RGSL1: variants seen among roughly 807,000 people sequenced by gnomAD.
RGSL1 encodes regulator of G protein signaling protein-like.
A neutral mutation model predicts 124.7 loss-of-function variants in RGSL1; 97 were observed. The observed-to-expected ratio is 0.78, with a 90% CI of 0.66 to 0.92. RGSL1 has a LOEUF of 0.92. RGSL1 is among the 40% of genes least tolerant of loss of function. The pLI is 0.00. For missense variants in RGSL1, 1,233 were observed against 1,288.4 expected (o/e 0.96, Z 0.66); for synonymous variants, 424 against 438.1 (o/e 0.97, Z 0.40).
rs886750482 is a variant in RGSL1 at position 182,532,938 on chromosome 1, C to T, written c.2494+147C>T. 1.3e-4 allele frequency: 105 copies of T among 816,700 alleles called. No individual in the cohort carries two copies. The Middle Eastern group carries it at 1.4e-3, about 11-fold the overall frequency. The allele number at this position is 816,700 out of a possible 1,614,324, so 50.6% of individuals were successfully genotyped here. On this transcript the variant is annotated intron_variant, in intron 14 of 21. Coordinates refer to ENST00000294854, the MANE Select transcript of RGSL1 (RefSeq NM_001137669.2). ...CCAGGTCCTGTGTGCAAAGCCAGGCCCAGGCCTTCCTAGAGAGGATGCAAG... is the reference window on the plus strand; with the variant it reads ...CCAGGTCCTGTGTGCAAAGCCAGGCTCAGGCCTTCCTAGAGAGGATGCAAG...
chr1:182,512,974 G>A (rs1156636129), intron 9 of RGSL1, among the ~76,000 whole-genome samples: 1 of 152,198 alleles, frequency 6.6e-6, no homozygotes, highest in Non-Finnish European at 1.5e-5. Flanking sequence ...CATGGAGCCT[G>A]GGGTTTGGGG....
chr1:182,520,097 T>A (rs758542220), intron 9 of RGSL1, among the ~76,000 whole-genome samples: 2 of 152,132 alleles, frequency 1.3e-5, no homozygotes, highest in Non-Finnish European at 2.9e-5. Flanking sequence ...TATGTGAACA[T>A]CATTGGTGAA....
At position 182,489,183 on chromosome 1, in the gene RGSL1, ATC is replaced by A. The variant is rs1454670031; in HGVS notation, c.1701_1702del (p.Pro568SerfsTer8). 2 of 1,551,742 alleles carry A rather than the reference ATC, an allele frequency of 1.3e-6. No individual in the cohort carries two copies. The highest frequency in any genetic ancestry group is 2.0e-5 in the Admixed American group (1 of 51,006). ...QGGSLQVELT[S>X]PVFLTDITKM... ...GAGGCTCTCTCCAGGTAGAGCTGACATCTCCAGTGTTTCTAACAGGTCAGAGC... is the reference window on the plus strand; with the variant it reads ...GAGGCTCTCTCCAGGTAGAGCTGACATCCAGTGTTTCTAACAGGTCAGAGC... On this transcript the variant is annotated frameshift_variant, in exon 8 of 22. Transcript: ENST00000294854. LOFTEE classifies it high-confidence loss of function.
intron 18 of RGSL1, among the ~76,000 whole-genome samples, chr1:182,551,804 T>G (rs968337764): frequency 2.0e-5 from 3 of 152,326 alleles, no homozygotes; most frequent in Non-Finnish European, 4.4e-5. Flanking sequence ...TAATAAACCA[T>G]ATATACAATG....
At chr1:182,477,047 T>A (rs1350147408) in intron 6 of RGSL1, among the ~76,000 whole-genome samples, 1 of 151,944 alleles carries the variant, frequency 6.6e-6, no homozygotes, top group East Asian at 1.9e-4. Flanking sequence ...AAATAGGAGG[T>A]CCCCAGCTTT....
chr1:182,465,285 T>C (rs1209503085), intron 4 of RGSL1, among the ~76,000 whole-genome samples: 2 of 151,840 alleles, frequency 1.3e-5, no homozygotes, highest in African/African-American at 4.8e-5. Flanking sequence ...TATGCAGCCA[T>C]AAAAAAGGAT....
Position 182,460,098 on chromosome 1 carries a change from A to G in RGSL1, c.266A>G (p.Gln89Arg). 2 of 1,551,546 alleles carry G rather than the reference A, an allele frequency of 1.3e-6. No homozygotes were observed. The highest frequency in any genetic ancestry group is 1.7e-6 in the Non-Finnish European group (2 of 1,146,928). Residue 89 changes from glutamine (Q) to arginine (R), a missense_variant, in exon 4 of 22, where the codon CAG becomes CGG. Coordinates refer to ENST00000294854, the MANE Select transcript of RGSL1 (RefSeq NM_001137669.2). ...TTGTGTTTCCATTACATTCTCTGTC[A>G]GGAGTTCATCAGTTTCATTAAGTCC... ...TNLCFHYILC[Q>R]EFISFIKSPE...
chr1:182,491,268 T>C (rs1295400234), intron 8 of RGSL1, among the ~76,000 whole-genome samples: 1 of 152,040 alleles, frequency 6.6e-6, no homozygotes, highest in Non-Finnish European at 1.5e-5. Context: ...CAGGCTGGAG[T>C]GCAGTGGCAC....
intron 9 of RGSL1, among the ~76,000 whole-genome samples, chr1:182,513,122 C>G (rs1041741425): frequency 1.3e-5 from 2 of 152,226 alleles, no homozygotes; most frequent in African/African-American, 4.8e-5. Flanking sequence ...GAACTGCCCT[C>G]GCCTACCCAG....
At chr1:182,552,910 T>C (rs575279142) in intron 18 of RGSL1, among the ~76,000 whole-genome samples, 1 of 152,254 alleles carries the variant, frequency 6.6e-6, no homozygotes, top group East Asian at 1.9e-4. Context: ...ACCTTTCCTT[T>C]TTTTCAAGAT....
chr1:182,518,771 GT>G (rs111983657), intron 9 of RGSL1, among the ~76,000 whole-genome samples: 2 of 151,740 alleles, frequency 1.3e-5, no homozygotes, highest in Admixed American at 1.3e-4. Context: ...TCTGCTCAGA[GT>G]TTTTTCACTT....
chr1:182,527,532 A>AATC (rs1237215260), intron 10 of RGSL1, 47 bp from the exon 11 acceptor site: 1 of 1,463,240 alleles, frequency 6.8e-7, no homozygotes, highest in East Asian at 2.5e-5. Context: ...CAGAATCCAG[A>AATC]ATCATCATTC....
At chr1:182,559,840 C>G (rs1332778387) in intron 21 of RGSL1, among the ~76,000 whole-genome samples, 4 of 152,190 alleles carry the variant, frequency 2.6e-5, no homozygotes, top group African/African-American at 7.2e-5. Context: ...TCCTCTTACT[C>G]TCTCCTCTTA....
At chr1:182,464,490 T>C (rs1042438417) in intron 4 of RGSL1, among the ~76,000 whole-genome samples, 1 of 151,868 alleles carries the variant, frequency 6.6e-6, no homozygotes, top group Non-Finnish European at 1.5e-5. Context: ...TTGGGAGGCC[T>C]TAGGGGGTGG....
chr1:182,521,558 A>G (rs1658340987), intron 9 of RGSL1, among the ~76,000 whole-genome samples: 2 of 152,236 alleles, frequency 1.3e-5, no homozygotes. Context: ...TTAAAAGAAG[A>G]AGTCAAGCAT....
At chr1:182,526,205 T>A (rs185550) in intron 10 of RGSL1, among the ~76,000 whole-genome samples, 131,563 of 152,198 alleles carry the variant, frequency 0.86, 57,187 homozygotes, top group Non-Finnish European at 0.89. Context: ...GAGGAAACAG[T>A]GAAAGAAGTA....
In RGSL1 at chr1:182,510,657, GGGGAGAGTGAGA is replaced by G. The variant is rs1162874709; in HGVS notation, c.1826-11339_1826-11328del. 2.8e-4 allele frequency among the ~76,000 whole-genome samples: 6 copies of G among 21,066 alleles called. 1 individual carries two copies. Among genetic ancestry groups the G allele is most frequent in the Non-Finnish European group, 5.6e-4 (5 of 8,912 alleles). The allele number at this position is 21,066 out of a possible 152,430, so 13.8% of individuals were successfully genotyped here. On this transcript the variant is annotated intron_variant, in intron 9 of 21. Transcript: ENST00000294854. ...CGGCTCCACATGAGAGGGAGACCGT[GGGGAGAGTGAGA>G]GGGAGAGGGAGAGGGAGAGGGAGAG...
chr1:182,553,488 GA>G lies in RGSL1; in HGVS notation c.3078del (p.Gly1027ValfsTer12). On this transcript the variant is annotated frameshift_variant, in exon 19 of 22. Coordinates refer to ENST00000294854, the MANE Select transcript of RGSL1 (RefSeq NM_001137669.2). LOFTEE classifies it high-confidence loss of function. ...DNAILRFTLL[R>X]GIEWLQPQRE... ...GCCATCTTAAGGTTCACCTTGCTCA[GA>G]GGTATTGAGTGGTTGCAGCCTCAAC... 6.4e-7 allele frequency: 1 copy of G among 1,552,042 alleles called. No homozygotes were observed. Among genetic ancestry groups the G allele is most frequent in the African/African-American group, 1.4e-5 (1 of 73,158 alleles).
At chr1:182,537,089 T>C (rs1180666665) in intron 14 of RGSL1, among the ~76,000 whole-genome samples, 3 of 152,212 alleles carry the variant, frequency 2.0e-5, no homozygotes, top group African/African-American at 7.2e-5. Context: ...ATCTCTCAGT[T>C]GATGGCTTGC....
Sources: gnomAD v4.1 joint callset for allele counts (sites outside exome capture counted in the v4.1 genomes callset) on GRCh38, gnomAD v4.1.1 for gene constraint, MANE v1.5 for transcripts, NCBI Gene and HGNC (gene_info 2026-07-23, HGNC 2026-07-21) for gene names.